CTTNBP2: variants seen among roughly 807,000 people sequenced by gnomAD.
CTTNBP2 encodes cortactin binding protein 2.
A neutral mutation model predicts 156.9 loss-of-function variants in CTTNBP2; 108 were observed. The observed-to-expected ratio is 0.69, with a 90% confidence interval of 0.59 to 0.81. The LOEUF is 0.81. Ranked by LOEUF, CTTNBP2 falls within the 30% of genes least tolerant of loss-of-function variation. The probability of loss-of-function intolerance (pLI) is 0.00; values close to 1 mark genes in which losing one functional copy is unlikely to be tolerated. For missense variants in CTTNBP2, 1,924 were observed against 2,035.4 expected, an observed-to-expected ratio of 0.95 and a Z score of 1.05; for synonymous variants, 767 against 751.8, an observed-to-expected ratio of 1.02 and a Z score of -0.33.
intron 7 of CTTNBP2, among the ~76,000 whole-genome samples, chr7:117,779,162 G>A (rs1798265752): frequency 2.0e-5 from 3 of 152,152 alleles, no homozygotes; most frequent in African/African-American, 4.8e-5. Context: ...CCATTCAGGC[G>A]TGTTCTTCAC....
intron 19 of CTTNBP2, 136 bp downstream of exon 19, chr7:117,724,411 T>A (rs75210225): frequency 1.4e-6 from 1 of 731,350 alleles, no homozygotes; most frequent in Non-Finnish European, 2.2e-6. Flanking sequence ...GTTTATTCCA[T>A]GAAAATGTGC....
At chr7:117,746,949 T>G (rs1796362930) in intron 12 of CTTNBP2, among the ~76,000 whole-genome samples, 1 of 152,084 alleles carries the variant, frequency 6.6e-6, no homozygotes, top group African/African-American at 2.4e-5. Context: ...AATTATCATC[T>G]ACACAGGGCA....
intron 16 of CTTNBP2, among the ~76,000 whole-genome samples, chr7:117,732,606 C>T (rs80266335): frequency 8.9e-5 from 13 of 146,526 alleles, no homozygotes; most frequent in Middle Eastern, 3.4e-3. Context: ...GCCGAGATCA[C>T]GCCACTGCAC....
chr7:117,785,948 C>A (rs1798681943), intron 4 of CTTNBP2, among the ~76,000 whole-genome samples: 2 of 152,128 alleles, frequency 1.3e-5, no homozygotes, highest in African/African-American at 4.8e-5. Flanking sequence ...TAGTAAGATA[C>A]AACAGATGGA....
intron 22 of CTTNBP2, among the ~76,000 whole-genome samples, chr7:117,717,648 A>T (rs761085953): frequency 6.6e-6 from 1 of 152,088 alleles, no homozygotes; most frequent in Non-Finnish European, 1.5e-5. Flanking sequence ...GGATTGAAGG[A>T]ATATAGTGTA....
At chr7:117,712,585 T>C (rs997387970) in intron 22 of CTTNBP2, among the ~76,000 whole-genome samples, 1 of 152,130 alleles carries the variant, frequency 6.6e-6, no homozygotes, top group African/African-American at 2.4e-5. Context: ...CTTGATAACT[T>C]CTCCTCTTCA....
chr7:117,718,975 T>C (rs1584885818), intron 21 of CTTNBP2, among the ~76,000 whole-genome samples: 1 of 151,990 alleles, frequency 6.6e-6, no homozygotes, highest in Non-Finnish European at 1.5e-5. Flanking sequence ...GGCGGGCAGG[T>C]CACCTGAGGT....
chr7:117,724,754 C>G (rs1246215356), intron 18 of CTTNBP2, 22 bp from the exon 19 acceptor site: 1 of 1,612,168 alleles, frequency 6.2e-7, no homozygotes, highest in Non-Finnish European at 8.5e-7. Flanking sequence ...CAAATCACAG[C>G]AGGGATAATG....
intron 2 of CTTNBP2, among the ~76,000 whole-genome samples, chr7:117,849,914 C>T (rs1802829399): frequency 6.6e-6 from 1 of 152,162 alleles, no homozygotes; most frequent in Admixed American, 6.5e-5. Context: ...GACCTGGGTC[C>T]AAACTTTGGC....
At chr7:117,873,002 C>T (rs1381381208) in intron 1 of CTTNBP2, among the ~76,000 whole-genome samples, 6 of 152,138 alleles carry the variant, frequency 3.9e-5, no homozygotes, top group African/African-American at 1.2e-4. Context: ...CCAGCCTTCT[C>T]CCCCGGCCAG....
At chr7:117,821,842 G>A (rs545014349) in intron 2 of CTTNBP2, among the ~76,000 whole-genome samples, 16 of 151,998 alleles carry the variant, frequency 1.1e-4, no homozygotes, top group African/African-American at 1.7e-4. Flanking sequence ...CACCCACCTC[G>A]GCCTCCCAAA....
At chr7:117,771,957 A>G (rs1416027031) in intron 8 of CTTNBP2, among the ~76,000 whole-genome samples, 3 of 152,134 alleles carry the variant, frequency 2.0e-5, no homozygotes, top group Non-Finnish European at 4.4e-5. Context: ...GAGGGGAGAG[A>G]GCACAGGATG....
intron 2 of CTTNBP2, among the ~76,000 whole-genome samples, chr7:117,812,385 A>G (rs1800344315): frequency 6.6e-6 from 1 of 152,082 alleles, no homozygotes; most frequent in South Asian, 2.1e-4. Flanking sequence ...AATATTATTA[A>G]TGCATACAGT....
At chr7:117,798,047 C>T (rs2116897636) in intron 3 of CTTNBP2, among the ~76,000 whole-genome samples, 1 of 152,016 alleles carries the variant, frequency 6.6e-6, no homozygotes, top group East Asian at 1.9e-4. Flanking sequence ...TTGAAATCAG[C>T]CAAAAAATTA....
intron 20 of CTTNBP2, among the ~76,000 whole-genome samples, chr7:117,720,838 AAT>A (rs1250307617): frequency 1.3e-5 from 2 of 152,250 alleles, no homozygotes; most frequent in African/African-American, 2.4e-5. Flanking sequence ...TTACAAGCAA[AAT>A]AGTCTTCATA....
rs369111339 is a variant in CTTNBP2, at chr7:117,735,342, C to T, written c.3615G>A (p.Leu1205=). ...CCAAAAAGTCCCTCAATAACTCCGA[C>T]AGTGAAGATTTTTCTAAATTTTCTA... ...IILENLEKSS[L]SELLRDFLAP... The change falls in exon 15 of 23, where the codon CTG becomes CTA. Residue 1205 remains leucine, a synonymous_variant. Transcript: ENST00000160373. The T allele has an allele frequency of 6.2e-7, 1 of 1,613,666 alleles. No individual in the cohort carries two copies. The highest frequency in any genetic ancestry group is 8.5e-7 in the Non-Finnish European group (1 of 1,179,744).
chr7:117,792,653 G>C lies in CTTNBP2; in HGVS notation c.543C>G (p.Leu181=). Residue 181 remains leucine, a synonymous_variant, in exon 4 of 23, where the codon CTC becomes CTG. Coordinates refer to ENST00000160373, the MANE Select transcript of CTTNBP2 (RefSeq NM_033427.3). The surrounding 1 kb of genome is among the most constrained non-coding windows in gnomAD (Gnocchi z 4.2). ...VLMLVKECKQ[L]SGKVIEEAQK... Reference sequence around the variant, plus strand: ...GGGCCTCCTCTATGACTTTGCCTGAGAGCTGCTTGCACTCTTTGACCAGCA... The same window carrying C: ...GGGCCTCCTCTATGACTTTGCCTGACAGCTGCTTGCACTCTTTGACCAGCA... The C allele has an allele frequency of 6.2e-7, 1 of 1,613,956 alleles. No individual in the cohort carries two copies. Among genetic ancestry groups the C allele is most frequent in the Non-Finnish European group, 8.5e-7 (1 of 1,179,994 alleles).
At chr7:117,716,234 CTTTTT>C (rs541426211) in intron 22 of CTTNBP2, among the ~76,000 whole-genome samples, 1 of 124,148 alleles carries the variant, frequency 8.1e-6, no homozygotes, top group South Asian at 2.6e-4. Context: ...TTCAGTACTA[CTTTTT>C]TTTTGTGGAC....
intron 18 of CTTNBP2, 37 bp downstream of exon 18, chr7:117,725,015 T>G (rs945831293): frequency 9.5e-6 from 15 of 1,575,910 alleles, no homozygotes; most frequent in African/African-American, 1.3e-5. Context: ...TTCACAAGGG[T>G]GTGAATTTCC....
Sources: gnomAD v4.1 joint callset for allele counts (sites outside exome capture counted in the v4.1 genomes callset) on GRCh38, gnomAD v4.1.1 for gene constraint, Gnocchi (gnomAD v3.1) non-coding constraint, MANE v1.5 for transcripts, NCBI Gene and HGNC (gene_info 2026-07-23, HGNC 2026-07-21) for gene names.